The following CHD5 variants were observed in gnomAD, a reference collection of about 807,000 sequenced individuals.
CHD5 encodes the protein chromodomain helicase DNA binding protein 5.
Under a neutral mutation model 230.3 loss-of-function variants are expected in CHD5, and 69 were observed. The ratio of observed to expected loss-of-function variants is 0.30; its 90% CI spans 0.25 to 0.37. The LOEUF (loss-of-function observed/expected upper bound fraction) is 0.37. Among genes scored for constraint, CHD5 ranks in the 10% least tolerant of loss-of-function variants. The pLI, the probability that CHD5 is intolerant of heterozygous loss-of-function variation, is 1.00. For synonymous variants in CHD5, 1,064 were observed against 1,065.9 expected (o/e 1.00, Z 0.03); for missense variants, 1,827 against 2,622.8 (o/e 0.70, Z 6.63).
Position 6,130,187 on chromosome 1 carries a change from G to A in CHD5, c.3387+17C>T, listed in dbSNP as rs188573411. 9.4e-5 allele frequency: 152 copies of A among 1,613,284 alleles called. 3 individuals carry two copies. The South Asian group carries it at 1.3e-3, about 14-fold the overall frequency. On this transcript the variant is annotated intron_variant, in intron 22 of 41. Coordinates refer to ENST00000262450, the MANE Select transcript of CHD5 (RefSeq NM_015557.3). This position sits in a 1 kb window ranked among gnomAD's most constrained non-coding sequence, Gnocchi z 4.9. ...GAGAGGCCCCCTGGGAGGGTGGTGGGCGGCAGCAGCACAGACCTGGATGTC... is the reference window on the plus strand; with the variant it reads ...GAGAGGCCCCCTGGGAGGGTGGTGGACGGCAGCAGCACAGACCTGGATGTC...
intron 1 of CHD5, among the ~76,000 whole-genome samples, chr1:6,175,928 T>C (rs1300981278): frequency 6.6e-6 from 1 of 151,822 alleles, no homozygotes. Context: ...GGTATGGATA[T>C]GGATTGATAG....
intron 15 of CHD5, among the ~76,000 whole-genome samples, chr1:6,139,375 T>C (rs1274534908): frequency 6.6e-6 from 1 of 152,028 alleles, no homozygotes; most frequent in African/African-American, 2.4e-5. Context: ...TAGCTGGGAT[T>C]ACAGGCACCC....
chr1:6,164,950 G>T (rs1247734786), intron 2 of CHD5, among the ~76,000 whole-genome samples: 1 of 152,152 alleles, frequency 6.6e-6, no homozygotes, highest in Non-Finnish European at 1.5e-5. Flanking sequence ...ATGCCGAGAG[G>T]TTACCAAGGT....
rs1478702285 is a variant in CHD5 at position 6,131,212 on chromosome 1, G to T, written c.3262+419C>A. Among the ~76,000 whole-genome samples, 1 of 152,164 alleles carries T rather than the reference G, an allele frequency of 6.6e-6. No homozygotes were observed. Among genetic ancestry groups the T allele is most frequent in the Non-Finnish European group, 1.5e-5 (1 of 68,028 alleles). Reference sequence around the variant, plus strand: ...CCCAGGCAGGGAAGACCAAGCATGGGTGACTCTGGGGAAAGAGCCTGATCA... The same window carrying T: ...CCCAGGCAGGGAAGACCAAGCATGGTTGACTCTGGGGAAAGAGCCTGATCA... On this transcript the variant is annotated intron_variant, in intron 21 of 41. Transcript: ENST00000262450. The surrounding 1 kb of genome is among the most constrained non-coding windows in gnomAD (Gnocchi z 5.0).
intron 33 of CHD5, among the ~76,000 whole-genome samples, chr1:6,119,864 A>ATATT (rs1373544506): frequency 7.1e-4 from 97 of 137,420 alleles, no homozygotes; most frequent in African/African-American, 2.1e-3. Context: ...ATATATATAT[A>ATATT]TTTTTTTTTT....
chr1:6,154,751 C>T lies in CHD5; in HGVS notation c.654G>A (p.Glu218=). The change falls in exon 5 of 42, where the codon GAG becomes GAA. Residue 218 remains glutamate, a synonymous_variant. Coordinates refer to ENST00000262450, the MANE Select transcript of CHD5 (RefSeq NM_015557.3). This position sits in a 1 kb window ranked among gnomAD's most constrained non-coding sequence, Gnocchi z 7.0. ...CTAGCGGAGGGGAGATGGTGACCGTCTCTACAGCCGCAGCCACCGCCGCCG... is the reference window on the plus strand; with the variant it reads ...CTAGCGGAGGGGAGATGGTGACCGTTTCTACAGCCGCAGCCACCGCCGCCG... ...AAAAAVAAAV[E]TVTISPPLAV... 1 of 1,611,882 alleles carries T rather than the reference C, an allele frequency of 6.2e-7. No homozygotes were observed. Among genetic ancestry groups the T allele is most frequent in the Non-Finnish European group, 8.5e-7 (1 of 1,179,458 alleles).
At chr1:6,170,723 G>T (rs145339228) in intron 1 of CHD5, among the ~76,000 whole-genome samples, 8 of 152,214 alleles carry the variant, frequency 5.3e-5, no homozygotes, top group Admixed American at 6.5e-5. Context: ...GGGCTGCTCC[G>T]GCTGACCCCA....
intron 33 of CHD5, among the ~76,000 whole-genome samples, chr1:6,116,628 C>A (rs1666382313): frequency 6.6e-6 from 1 of 152,206 alleles, no homozygotes. Flanking sequence ...TTCTCAGCAG[C>A]CTTCTCAGCA....
intron 1 of CHD5, among the ~76,000 whole-genome samples, chr1:6,179,711 G>T (rs1371162268): frequency 6.9e-6 from 1 of 145,522 alleles, no homozygotes; most frequent in Admixed American, 6.8e-5. Flanking sequence ...CGCCCGGGGG[G>T]CCCGGATCGC....
At position 6,105,753 on chromosome 1, in the gene CHD5, G is replaced by T. The variant is rs990391331; in HGVS notation, c.*47-326C>A. 1.3e-5 allele frequency among the ~76,000 whole-genome samples: 2 copies of T among 152,222 alleles called. No individual in the cohort carries two copies. The highest frequency in any genetic ancestry group is 2.9e-5 in the Non-Finnish European group (2 of 68,040). ...CAGAGAAGACCAGAATGAACTGGCA[G>T]TTTCTCTGAAATAAGCCCCCTCTCC... On this transcript the variant is annotated intron_variant, in intron 41 of 41. Transcript: ENST00000262450. This position sits in a 1 kb window ranked among gnomAD's most constrained non-coding sequence, Gnocchi z 4.8.
intron 38 of CHD5, among the ~76,000 whole-genome samples, chr1:6,108,608 TGAA>T (rs1557534990): frequency 1.5e-5 from 2 of 136,254 alleles, no homozygotes; most frequent in Non-Finnish European, 3.1e-5. Flanking sequence ...GATGGAGGGA[TGAA>T]GGATGACAGA....
At chr1:6,176,943 G>A (rs912942043) in intron 1 of CHD5, among the ~76,000 whole-genome samples, 21 of 152,120 alleles carry the variant, frequency 1.4e-4, no homozygotes, top group East Asian at 1.9e-4. Context: ...AGAGGCACCC[G>A]CCCTGCCTTC....
At chr1:6,110,259 T>C (rs1571137504) in intron 37 of CHD5, 135 bp downstream of exon 37, 13 of 1,031,986 alleles carry the variant, frequency 1.3e-5, no homozygotes, top group Middle Eastern at 2.2e-4. Context: ...TTGATGGACA[T>C]ACTGCTGCTT....
intron 2 of CHD5, among the ~76,000 whole-genome samples, chr1:6,166,251 G>A (rs1667252588): frequency 7.0e-6 from 1 of 142,366 alleles, no homozygotes; most frequent in African/African-American, 2.8e-5. Flanking sequence ...AGAAGGGCCT[G>A]GATTGGCTGC....
chr1:6,150,503 T>A, intron 7 of CHD5, among the ~76,000 whole-genome samples: 1 of 128,954 alleles, frequency 7.8e-6, no homozygotes, highest in African/African-American at 3.0e-5. Context: ...AAAGGATGGA[T>A]GAATGGATGG....
chr1:6,135,397 C>A lies in CHD5; in HGVS notation c.2703G>T (p.Leu901=). 2.5e-6 allele frequency: 4 copies of A among 1,602,380 alleles called. No homozygotes were observed. Among genetic ancestry groups the A allele is most frequent in the Non-Finnish European group, 3.4e-6 (4 of 1,173,106 alleles). Reference sequence around the variant, plus strand: ...CAGCAAACTCCTCCAGGAAGCCCTCCAGGTTGCTGCAACAAAAAGCTGGGA... The same window carrying A: ...CAGCAAACTCCTCCAGGAAGCCCTCAAGGTTGCTGCAACAAAAAGCTGGGA... ...NFLTPERFNN[L]EGFLEEFADI... Residue 901 remains leucine (L), a synonymous_variant, in exon 18 of 42, where the codon CTG becomes CTT. Transcript: ENST00000262450.
At chr1:6,163,442 C>A (rs1667208329) in intron 2 of CHD5, among the ~76,000 whole-genome samples, 1 of 152,218 alleles carries the variant, frequency 6.6e-6, no homozygotes, top group South Asian at 2.1e-4. Context: ...CCTCCCCTAC[C>A]AGGGGCTGGC....
Position 6,121,481 on chromosome 1 carries a change from G to C in CHD5, c.4779+13C>G. On this transcript the variant is annotated intron_variant, in intron 32 of 41. Coordinates refer to ENST00000262450, the MANE Select transcript of CHD5 (RefSeq NM_015557.3). The surrounding 1 kb of genome is among the most constrained non-coding windows in gnomAD (Gnocchi z 4.5). Reference sequence around the variant, plus strand: ...ACACACACCACAGGCCCAGACGCCAGCAAGTTCCACACCTGGACTTCCAGG... The same window carrying C: ...ACACACACCACAGGCCCAGACGCCACCAAGTTCCACACCTGGACTTCCAGG... 6.2e-7 allele frequency: 1 copy of C among 1,607,598 alleles called. No homozygotes were observed. Among genetic ancestry groups the C allele is most frequent in the East Asian group, 2.2e-5 (1 of 44,816 alleles).
At chr1:6,148,754 A>C in intron 9 of CHD5, 100 bp downstream of exon 9, 1 of 805,904 alleles carries the variant, frequency 1.2e-6, no homozygotes, top group South Asian at 2.9e-5. Context: ...AGGAGCCGGC[A>C]GGGGCGGGGC....
Sources: gnomAD v4.1 joint callset for allele counts (sites outside exome capture counted in the v4.1 genomes callset) on GRCh38, gnomAD v4.1.1 for gene constraint, Gnocchi (gnomAD v3.1) non-coding constraint, MANE v1.5 for transcripts, NCBI Gene and HGNC (gene_info 2026-07-23, HGNC 2026-07-21) for gene names.